The following TMPRSS11B variants were observed in gnomAD, a reference collection of about 807,000 sequenced individuals.
TMPRSS11B encodes the protein transmembrane protease serine 11B.
In TMPRSS11B, 53 loss-of-function variants were observed where a neutral mutation model predicts 44.7. The ratio of observed to expected loss-of-function variants is 1.19; its 90% CI spans 0.95 to 1.49. TMPRSS11B has a LOEUF of 1.49. TMPRSS11B is among the 40% of genes most tolerant of loss of function. The pLI is 0.00. For synonymous variants in TMPRSS11B, 140 were observed against 159.2 expected, an observed-to-expected ratio of 0.88 and a Z score of 0.91; for missense variants, 526 against 494.8, an observed-to-expected ratio of 1.06 and a Z score of -0.60.
chr4:68,240,463 T>A lies in TMPRSS11B; in HGVS notation c.124+1226A>T, dbSNP rs562893351. 2.6e-5 allele frequency among the ~76,000 whole-genome samples: 4 copies of A among 152,142 alleles called. No individual in the cohort carries two copies. In the East Asian group the frequency reaches 7.7e-4, roughly 29 times the overall value. On this transcript the variant is annotated intron_variant, in intron 2 of 9. Coordinates refer to ENST00000332644, the MANE Select transcript of TMPRSS11B (RefSeq NM_182502.3). ...AGGGTGAATTATCATCCCATGCACC[T>A]CCTGCTCCAGCCAGGGTTCTGTAGT...
chr4:68,242,249 T>C (rs1266232848), intron 1 of TMPRSS11B, among the ~76,000 whole-genome samples: 11 of 66,244 alleles, frequency 1.7e-4, no homozygotes, highest in South Asian at 3.6e-4. Context: ...TTATATTATA[T>C]ATATTATAAT....
chr4:68,231,679 G>T (rs1226324803), intron 6 of TMPRSS11B, among the ~76,000 whole-genome samples: 1 of 152,124 alleles, frequency 6.6e-6, no homozygotes, highest in Non-Finnish European at 1.5e-5. Context: ...TGCCTCATTG[G>T]TGTCTACATC....
chr4:68,237,590 C>T (rs1719707520), intron 2 of TMPRSS11B, among the ~76,000 whole-genome samples: 1 of 152,136 alleles, frequency 6.6e-6, no homozygotes, highest in Non-Finnish European at 1.5e-5. Context: ...TTTTATTTCC[C>T]TACAGCATAT....
chr4:68,228,648 G>A (rs1296605992), intron 9 of TMPRSS11B, 94 bp downstream of exon 9: 7 of 1,235,948 alleles, frequency 5.7e-6, no homozygotes, highest in Admixed American at 2.3e-5. Context: ...AAGCTACTAT[G>A]TCAGTATTAT....
At chr4:68,228,594 G>T in intron 9 of TMPRSS11B, 148 bp downstream of exon 9, 1 of 794,340 alleles carries the variant, frequency 1.3e-6, no homozygotes, top group Non-Finnish European at 1.9e-6. Flanking sequence ...GCTAGTGTCT[G>T]GTACATAAAT....
chr4:68,229,667 G>A, intron 7 of TMPRSS11B, 151 bp from the exon 8 acceptor site: 1 of 663,180 alleles, frequency 1.5e-6, no homozygotes, highest in South Asian at 2.5e-5. Flanking sequence ...TTGACATGGA[G>A]CTGTTGTAAA....
Position 68,227,804 on chromosome 4 carries a change from A to G in TMPRSS11B, c.*107T>C. ...AATAAAGACATTTATATTTTTATAT[A>G]TAATAAAATGATTAGTTTACCAACA... On this transcript the variant is annotated 3_prime_UTR_variant, in exon 10 of 10. Transcript: ENST00000332644. 2 of 613,566 alleles carry G rather than the reference A, an allele frequency of 3.3e-6. No individual in the cohort carries two copies. Among genetic ancestry groups the G allele is most frequent in the South Asian group, 8.2e-5 (1 of 12,264 alleles). The allele number at this position is 613,566 out of a possible 1,614,324, so 38.0% of individuals were successfully genotyped here.
rs1719385441 is a variant in TMPRSS11B, at chr4:68,227,486, C to T, written c.*425G>A. On this transcript the variant is annotated 3_prime_UTR_variant, in exon 10 of 10. Transcript: ENST00000332644. The stretch of plus-strand genomic sequence containing the variant: ...CAGTGGTGGCGCAATCACAAATCAC[C>T]ACAGCCTCAACCTGCTGGGCTCAAG... 1 of 146,644 alleles carries T rather than the reference C, an allele frequency of 6.8e-6. No individual in the cohort carries two copies. The highest frequency in any genetic ancestry group is 7.0e-5 in the Admixed American group (1 of 14,262). The allele number at this position is 146,644 out of a possible 1,614,324, so 9.1% of individuals were successfully genotyped here. A position where few individuals can be genotyped will look rare whatever the true frequency, so the allele number is the denominator to read the frequency against.
chr4:68,230,671 G>T (rs998500277), intron 7 of TMPRSS11B, among the ~76,000 whole-genome samples: 1 of 152,070 alleles, frequency 6.6e-6, no homozygotes, highest in African/African-American at 2.4e-5. Context: ...GGACATAGTG[G>T]TGCGTGCCTG....
Position 68,241,768 on chromosome 4 carries a change from C to A in TMPRSS11B, c.45G>T (p.Trp15Cys). Residue 15 changes from tryptophan (W) to cysteine (C), a missense_variant, in exon 2 of 10, where the codon TGG (tryptophan) becomes TGT (cysteine). Coordinates refer to ENST00000332644, the MANE Select transcript of TMPRSS11B (RefSeq NM_182502.3). ...GISSQRSWPL[W>C]TTIFIFLGVA... ...CTCCAAGAAAAATAAAGATCGTAGTCCATAGTGGCCAAGATCTTTGGGAAG... is the reference window on the plus strand; with the variant it reads ...CTCCAAGAAAAATAAAGATCGTAGTACATAGTGGCCAAGATCTTTGGGAAG... The A allele has an allele frequency of 6.2e-7, 1 of 1,613,100 alleles. No homozygotes were observed.
chr4:68,232,591 A>T (rs142485698), intron 5 of TMPRSS11B, among the ~76,000 whole-genome samples, 175 bp from the exon 6 acceptor site: 12 of 152,358 alleles, frequency 7.9e-5, no homozygotes, highest in African/African-American at 2.6e-4. Context: ...CATTATAACC[A>T]TCTCTCCATA....
At chr4:68,229,538 G>T in intron 7 of TMPRSS11B, 22 bp from the exon 8 acceptor site, 1 of 1,598,240 alleles carries the variant, frequency 6.3e-7, no homozygotes, top group Non-Finnish European at 8.5e-7. Flanking sequence ...AATGTAATTA[G>T]AATACACTCA....
Position 68,236,291 on chromosome 4 carries a change from T to G in TMPRSS11B, c.125-25A>C, listed in dbSNP as rs749976013. 4.3e-6 allele frequency: 6 copies of G among 1,404,378 alleles called. No homozygotes were observed. In the Admixed American group the frequency reaches 1.2e-4, roughly 28 times the overall value. The allele number at this position is 1,404,378 out of a possible 1,614,324, so 87.0% of individuals were successfully genotyped here. A position where few individuals can be genotyped will look rare whatever the true frequency, so the allele number is the denominator to read the frequency against. On this transcript the variant is annotated intron_variant, in intron 2 of 9. Transcript: ENST00000332644. Reference sequence around the variant, plus strand: ...TCTGCAAAATTAAGAAAAAAAAACCTCAAAGAATTTTAAAGTGGAAAGTGA... The same window carrying G: ...TCTGCAAAATTAAGAAAAAAAAACCGCAAAGAATTTTAAAGTGGAAAGTGA...
chr4:68,231,446 A>C, intron 6 of TMPRSS11B, 66 bp from the exon 7 acceptor site: 2 of 1,397,482 alleles, frequency 1.4e-6, no homozygotes, highest in Non-Finnish European at 1.9e-6. Flanking sequence ...AAAATATATC[A>C]TTAAAAATTA....
In TMPRSS11B at chr4:68,236,236, T is replaced by TG; in HGVS notation, c.154dup (p.His52ProfsTer9). ...ATCATTGTATGTGACTCCAGAAATA[T>TG]GAAAATCACCTTGATAATAGTAAGT... On this transcript the variant is annotated frameshift_variant, in exon 3 of 10. Coordinates refer to ENST00000332644, the MANE Select transcript of TMPRSS11B (RefSeq NM_182502.3). LOFTEE classifies it high-confidence loss of function. 1 of 1,611,168 alleles carries TG rather than the reference T, an allele frequency of 6.2e-7. No homozygotes were observed. Among genetic ancestry groups the TG allele is most frequent in the Non-Finnish European group, 8.5e-7 (1 of 1,178,534 alleles).
At position 68,232,367 on chromosome 4, in the gene TMPRSS11B, C is replaced by T; in HGVS notation, c.508+11G>A. ...TCCATCAAATTTATAATTAAAAGGT[C>T]CTTAACTTACAGTTGTTGGTAAGCA... On this transcript the variant is annotated intron_variant, in intron 6 of 9. Transcript: ENST00000332644. The T allele has an allele frequency of 6.2e-7, 1 of 1,610,590 alleles. No individual in the cohort carries two copies. Among genetic ancestry groups the T allele is most frequent in the Non-Finnish European group, 8.5e-7 (1 of 1,178,426 alleles).
chr4:68,240,335 T>C (rs550037545), intron 2 of TMPRSS11B, among the ~76,000 whole-genome samples: 30 of 152,328 alleles, frequency 2.0e-4, no homozygotes, highest in African/African-American at 7.2e-4. Flanking sequence ...TGTCCATTTT[T>C]ACTCCACAGG....
Position 68,238,781 on chromosome 4 carries a change from A to G in TMPRSS11B, c.125-2515T>C, listed in dbSNP as rs1170829549. ...AAAAACAAACAAAAACTAAATTACA[A>G]TAGATAAACTCTAAGACCCTCTTCT... On this transcript the variant is annotated intron_variant, in intron 2 of 9. Coordinates refer to ENST00000332644, the MANE Select transcript of TMPRSS11B (RefSeq NM_182502.3). Among the ~76,000 whole-genome samples the G allele has an allele frequency of 4.6e-5, 7 of 152,082 alleles. No homozygotes were observed. In the East Asian group the frequency reaches 1.4e-3, roughly 29 times the overall value.
chr4:68,244,298 G>GC (rs935489528), intron 1 of TMPRSS11B, among the ~76,000 whole-genome samples: 5 of 152,132 alleles, frequency 3.3e-5, no homozygotes, highest in African/African-American at 1.2e-4. Flanking sequence ...AACTATAATT[G>GC]CCTCACTTTT....
Sources: allele counts gnomAD v4.1 joint callset (sites outside exome capture counted in the v4.1 genomes callset), GRCh38; gene constraint gnomAD v4.1.1; transcripts MANE v1.5; gene names NCBI Gene and HGNC (gene_info 2026-07-23, HGNC 2026-07-21).